Variants in NR6A1 observed in about 807,000 individuals in gnomAD.
NR6A1 encodes retinoic acid receptor-related testis-associated receptor.
NR6A1 carries 7 observed loss-of-function variants against 59.1 expected under a neutral mutation model. That is an observed-to-expected ratio of 0.12 (90% confidence interval 0.07 to 0.22). NR6A1 has a LOEUF of 0.22. Among genes scored for constraint, NR6A1 ranks in the 10% least tolerant of loss-of-function variants. The pLI, the probability that NR6A1 is intolerant of heterozygous loss-of-function variation, is 1.00. For missense variants in NR6A1, 468 were observed against 611.6 expected, an observed-to-expected ratio of 0.77 and a Z score of 2.48; for synonymous variants, 243 against 236.1, an observed-to-expected ratio of 1.03 and a Z score of -0.27.
rs534591761 is a variant in NR6A1 at position 124,567,831 on chromosome 9, C to CTTT, written c.143-13264_143-13262dup. The stretch of plus-strand genomic sequence containing the variant: ...CAAGCAGATGCTTTTTAAAAATTTG[C>CTTT]TTTTTTTTTTTTTTTTTTTTTTTAA... On this transcript the variant is annotated intron_variant, in intron 2 of 9. Coordinates refer to ENST00000487099, the MANE Select transcript of NR6A1 (RefSeq NM_033334.4). Among the ~76,000 whole-genome samples the CTTT allele has an allele frequency of 1.2e-3, 126 of 101,296 alleles. 1 individual carries two copies. The highest frequency in any genetic ancestry group is 3.9e-3 in the African/African-American group (111 of 28,656). 66.5% of individuals were successfully genotyped at this position (101,296 alleles called of 152,430 possible). A position where few individuals can be genotyped will look rare whatever the true frequency, so the allele number is the denominator to read the frequency against.
In NR6A1 at chr9:124,593,920, C is replaced by T. The variant is rs77737432; in HGVS notation, c.143-39350G>A. Among the ~76,000 whole-genome samples, 26 of 152,278 alleles carry T rather than the reference C, an allele frequency of 1.7e-4. 1 individual carries two copies. In the East Asian group the frequency reaches 5.0e-3, roughly 29 times the overall value. ...ATAAGACTTCCTGCCTAGCGACTGGCAGGGCTGAAAGACCAGATTGTATGA... is the reference window on the plus strand; with the variant it reads ...ATAAGACTTCCTGCCTAGCGACTGGTAGGGCTGAAAGACCAGATTGTATGA... On this transcript the variant is annotated intron_variant, in intron 2 of 9. Coordinates refer to ENST00000487099, the MANE Select transcript of NR6A1 (RefSeq NM_033334.4).
intron 1 of NR6A1, among the ~76,000 whole-genome samples, chr9:124,756,518 C>A (rs566306199): frequency 6.6e-6 from 1 of 152,280 alleles, no homozygotes; most frequent in East Asian, 1.9e-4. Flanking sequence ...GTATAGATAG[C>A]TGGATTCCCA....
At chr9:124,744,592 C>T (rs964801835) in intron 1 of NR6A1, among the ~76,000 whole-genome samples, 1 of 152,182 alleles carries the variant, frequency 6.6e-6, no homozygotes, top group Admixed American at 6.5e-5. Context: ...CCCTGATGCT[C>T]CCATAACAGC....
At chr9:124,625,931 G>A (rs1836229987) in intron 2 of NR6A1, among the ~76,000 whole-genome samples, 1 of 152,212 alleles carries the variant, frequency 6.6e-6, no homozygotes, top group African/African-American at 2.4e-5. Flanking sequence ...CTGGCCTGCA[G>A]ACCTTCAGAC....
intron 7 of NR6A1, among the ~76,000 whole-genome samples, chr9:124,528,837 T>C (rs939131474): frequency 4.6e-5 from 7 of 152,212 alleles, no homozygotes; most frequent in Admixed American, 1.3e-4. Flanking sequence ...ACATCACTTA[T>C]ATCGCATCCA....
chr9:124,735,696 G>T (rs755763567), intron 1 of NR6A1, among the ~76,000 whole-genome samples: 51 of 152,206 alleles, frequency 3.4e-4, no homozygotes, highest in Non-Finnish European at 7.2e-4. Context: ...GCCATGGAGA[G>T]ATGCCAGGTG....
chr9:124,714,774 A>G (rs1248422844), intron 2 of NR6A1, among the ~76,000 whole-genome samples: 1 of 152,220 alleles, frequency 6.6e-6, no homozygotes, highest in Non-Finnish European at 1.5e-5. Context: ...ATCATTTACT[A>G]TAACATTAAA....
chr9:124,601,176 T>C (rs908243478), intron 2 of NR6A1, among the ~76,000 whole-genome samples: 3 of 151,992 alleles, frequency 2.0e-5, no homozygotes, highest in Non-Finnish European at 2.9e-5. Flanking sequence ...CTTGGGAGGC[T>C]GAGGCAGGAG....
chr9:124,732,584 A>G (rs1356735009), intron 2 of NR6A1, among the ~76,000 whole-genome samples: 1 of 152,236 alleles, frequency 6.6e-6, no homozygotes, highest in South Asian at 2.1e-4. Context: ...GTTATCAATT[A>G]TAATTTCTAA....
Position 124,771,286 on chromosome 9 carries a change from C to T in NR6A1, c.-167G>A. 2.6e-6 allele frequency: 1 copy of T among 391,822 alleles called. No homozygotes were observed. The allele number at this position is 391,822 out of a possible 1,614,324, so 24.3% of individuals were successfully genotyped here. A position where few individuals can be genotyped will look rare whatever the true frequency, so the allele number is the denominator to read the frequency against. On this transcript the variant is annotated 5_prime_UTR_variant, in exon 1 of 10. Transcript: ENST00000487099. ...GCCCGGCTCCGCGCCGCTCCGCGCC[C>T]CTCCGCGCCGCGCCCCCTCAGCACT...
In NR6A1 at chr9:124,556,460, ATT is replaced by A. The variant is rs111855786; in HGVS notation, c.143-1892_143-1891del. 4.3e-3 allele frequency among the ~76,000 whole-genome samples: 591 copies of A among 138,072 alleles called. 3 individuals are homozygous for A. The highest frequency in any genetic ancestry group is 0.014 in the African/African-American group (534 of 37,424). The allele number at this position is 138,072 out of a possible 152,430, so 90.6% of individuals were successfully genotyped here. On this transcript the variant is annotated intron_variant, in intron 2 of 9. Coordinates refer to ENST00000487099, the MANE Select transcript of NR6A1 (RefSeq NM_033334.4). ...CTTTCATTTCAGCCCAGGGATACTG[ATT>A]TTTTTTTTTTTTTTTTGAAAGGGAG...
At chr9:124,717,892 G>C (rs1839449620) in intron 2 of NR6A1, among the ~76,000 whole-genome samples, 2 of 152,124 alleles carry the variant, frequency 1.3e-5, no homozygotes, top group African/African-American at 4.8e-5. Flanking sequence ...GAGTAAATGA[G>C]ATAAATGTTT....
intron 2 of NR6A1, among the ~76,000 whole-genome samples, chr9:124,623,095 G>C (rs1308059000): frequency 6.6e-6 from 1 of 152,170 alleles, no homozygotes; most frequent in Non-Finnish European, 1.5e-5. Flanking sequence ...GAGGTTGGCA[G>C]GATTGTCTCT....
intron 2 of NR6A1, among the ~76,000 whole-genome samples, chr9:124,666,996 G>C (rs1837642546): frequency 6.6e-6 from 1 of 151,842 alleles, no homozygotes. Context: ...GTATGTAGTA[G>C]CTATGGTTTT....
chr9:124,699,228 C>G (rs1181385464), intron 2 of NR6A1, among the ~76,000 whole-genome samples: 1 of 152,192 alleles, frequency 6.6e-6, no homozygotes, highest in Non-Finnish European at 1.5e-5. Flanking sequence ...ACAAGTAGTT[C>G]AGACAAGATC....
At chr9:124,539,687 T>C (rs997954731) in intron 5 of NR6A1, among the ~76,000 whole-genome samples, 1 of 152,210 alleles carries the variant, frequency 6.6e-6, no homozygotes, top group Non-Finnish European at 1.5e-5. Flanking sequence ...AATTACAGTT[T>C]AATTCAAAAC....
intron 5 of NR6A1, 132 bp downstream of exon 5, chr9:124,539,901 C>T (rs1271877929): frequency 3.8e-6 from 4 of 1,049,212 alleles, no homozygotes; most frequent in Non-Finnish European, 5.4e-6. Context: ...GACCCCTACT[C>T]CAAGAGTCTG....
intron 2 of NR6A1, among the ~76,000 whole-genome samples, chr9:124,627,535 G>A (rs137967513): frequency 2.1e-4 from 32 of 152,300 alleles, no homozygotes; most frequent in African/African-American, 7.7e-4. Context: ...CAAAAGTTTG[G>A]ATGTAAAGAA....
intron 2 of NR6A1, among the ~76,000 whole-genome samples, chr9:124,651,683 C>T (rs1210157277): frequency 6.6e-6 from 1 of 152,122 alleles, no homozygotes. Flanking sequence ...ACTATATATA[C>T]GGTTTACACT....
Sources: gnomAD v4.1 joint callset for allele counts (sites outside exome capture counted in the v4.1 genomes callset) on GRCh38, gnomAD v4.1.1 for gene constraint, MANE v1.5 for transcripts, NCBI Gene and HGNC (gene_info 2026-07-23, HGNC 2026-07-21) for gene names.